Variants in IKBKB observed in about 807,000 individuals in gnomAD.
IKBKB encodes inhibitor of nuclear factor kappa B kinase subunit beta, also known as inhibitor of nuclear factor kappa-B kinase subunit beta.
Under a neutral mutation model 113.6 loss-of-function variants are expected in IKBKB, and 42 were observed. The ratio of observed to expected loss-of-function variants is 0.37; its 90% CI spans 0.29 to 0.48. IKBKB has a LOEUF of 0.48. IKBKB is among the 20% of genes least tolerant of loss of function. The probability of loss-of-function intolerance (pLI) is 0.99; values close to 1 mark genes in which losing one functional copy is unlikely to be tolerated. For synonymous variants in IKBKB, 296 were observed against 361.3 expected (o/e 0.82, Z 2.05); for missense variants, 673 against 939.7 (o/e 0.72, Z 3.71).
At chr8:42,318,253 AC>A (rs1819065039) in intron 12 of IKBKB, among the ~76,000 whole-genome samples, 1 of 150,702 alleles carries the variant, frequency 6.6e-6, no homozygotes, top group Admixed American at 6.6e-5. Context: ...CAAGAGCGAG[AC>A]CTTGTCTCAA....
chr8:42,323,089 A>T (rs1247066202), intron 19 of IKBKB, among the ~76,000 whole-genome samples: 1 of 152,094 alleles, frequency 6.6e-6, no homozygotes, highest in Non-Finnish European at 1.5e-5. Context: ...CTCTGTCTTC[A>T]TGGGACCCCT....
At chr8:42,282,762 A>C (rs1810629105) in intron 2 of IKBKB, among the ~76,000 whole-genome samples, 1 of 152,226 alleles carries the variant, frequency 6.6e-6, no homozygotes, top group Non-Finnish European at 1.5e-5. Flanking sequence ...TTTCTAGAGC[A>C]GGTATGTTTT....
intron 2 of IKBKB, among the ~76,000 whole-genome samples, chr8:42,281,164 A>C (rs973038929): frequency 6.6e-6 from 1 of 152,116 alleles, no homozygotes; most frequent in Non-Finnish European, 1.5e-5. Context: ...ACGCTGGGGA[A>C]GGGAGGCTTC....
chr8:42,305,967 C>T (rs900499176), intron 6 of IKBKB, among the ~76,000 whole-genome samples: 4 of 152,234 alleles, frequency 2.6e-5, no homozygotes, highest in African/African-American at 9.6e-5. Context: ...CACCCTCACT[C>T]CTGTCAGTGG....
intron 2 of IKBKB, 179 bp downstream of exon 2, chr8:42,272,384 C>G: frequency 1.4e-6 from 1 of 706,760 alleles, no homozygotes; most frequent in Non-Finnish European, 2.4e-6. Flanking sequence ...GGTTAGTGGT[C>G]TCCATGCTTT....
rs901993530 is a variant in IKBKB, at chr8:42,271,464, C to T, written c.-24C>T. The T allele has an allele frequency of 1.5e-6, 2 of 1,304,032 alleles. No individual in the cohort carries two copies. The highest frequency in any genetic ancestry group is 2.1e-6 in the Non-Finnish European group (2 of 944,340). The allele number at this position is 1,304,032 out of a possible 1,614,324, so 80.8% of individuals were successfully genotyped here. On this transcript the variant is annotated 5_prime_UTR_variant, in exon 1 of 22. The change creates a premature stop within an existing upstream ORF in the 5' untranslated region. Coordinates refer to ENST00000520810, the MANE Select transcript of IKBKB (RefSeq NM_001556.3). ...CCCGCCCCCTGCCCCGCGTCCCTGC[C>T]GACAGGTGAGTCCCCCTCGTGGGTG...
Position 42,305,176 on chromosome 8 carries a change from C to G in IKBKB, c.389-11C>G, listed in dbSNP as rs1395185193. The G allele has an allele frequency of 6.2e-7, 1 of 1,606,852 alleles. No individual in the cohort carries two copies. The highest frequency in any genetic ancestry group is 1.7e-5 in the Admixed American group (1 of 59,938). ...TTAGGCCTAAGAAAAACTCACCCCC[C>G]TCTTCCTCAGCCTCTGCGCTTAGAT... is the stretch of plus-strand genomic sequence containing the variant. On this transcript the variant is annotated splice_polypyrimidine_tract_variant and intron_variant, in intron 5 of 21. Transcript: ENST00000520810.
chr8:42,312,326 C>T (rs1470953561), intron 8 of IKBKB, among the ~76,000 whole-genome samples: 5 of 152,298 alleles, frequency 3.3e-5, no homozygotes, highest in Middle Eastern at 3.4e-3. Context: ...AATGGCCCAG[C>T]GTCTTCATAG....
intron 5 of IKBKB, among the ~76,000 whole-genome samples, chr8:42,301,868 CT>C (rs907032107): frequency 6.6e-6 from 1 of 152,168 alleles, no homozygotes; most frequent in Non-Finnish European, 1.5e-5. Context: ...TGGTTGTGCC[CT>C]GGGTTTTGCC....
intron 11 of IKBKB, chr8:42,317,289 G>A (rs1818884838): frequency 2.3e-6 from 1 of 425,914 alleles, no homozygotes; most frequent in Admixed American, 3.7e-5. Context: ...ACAGAACTGG[G>A]TTAGGCACCT....
intron 19 of IKBKB, chr8:42,325,345 C>T (rs1820540295): frequency 2.0e-6 from 2 of 985,642 alleles, no homozygotes; most frequent in Non-Finnish European, 2.4e-6. Flanking sequence ...GTGTGTCTGT[C>T]TTCTACCTGG....
chr8:42,306,234 G>C, intron 6 of IKBKB, 109 bp from the exon 7 acceptor site: 1 of 693,302 alleles, frequency 1.4e-6, no homozygotes, highest in Non-Finnish European at 2.6e-6. Flanking sequence ...GGATCTAATA[G>C]TACCTGGGAA....
At chr8:42,302,815 T>G (rs1563331175) in intron 5 of IKBKB, among the ~76,000 whole-genome samples, 1 of 151,820 alleles carries the variant, frequency 6.6e-6, no homozygotes, top group South Asian at 2.1e-4. Flanking sequence ...ATACTCATCA[T>G]GTATAGCTTA....
intron 5 of IKBKB, 128 bp downstream of exon 5, chr8:42,293,640 A>G (rs2130360362): frequency 1.3e-6 from 2 of 1,525,362 alleles, no homozygotes; most frequent in Middle Eastern, 2.2e-4. Flanking sequence ...ATGGGAGCCC[A>G]GGGACGGGGG....
intron 1 of IKBKB, 156 bp from the exon 2 acceptor site, chr8:42,271,927 C>T: frequency 1.2e-6 from 1 of 819,154 alleles, no homozygotes; most frequent in Non-Finnish European, 1.9e-6. Flanking sequence ...AAGTTTGGAC[C>T]AACCAAACAC....
chr8:42,290,945 T>C (rs1007905037), intron 4 of IKBKB, among the ~76,000 whole-genome samples: 2 of 152,168 alleles, frequency 1.3e-5, no homozygotes, highest in Non-Finnish European at 2.9e-5. Flanking sequence ...CCTATGACAG[T>C]ACCACACAGC....
chr8:42,306,709 A>G (rs1190412991), intron 7 of IKBKB, among the ~76,000 whole-genome samples: 1 of 152,188 alleles, frequency 6.6e-6, no homozygotes, highest in Non-Finnish European at 1.5e-5. Flanking sequence ...CTTCTCTGAA[A>G]GGAAAGGGTT....
Position 42,271,466 on chromosome 8 carries a change from A to T in IKBKB, c.-22A>T. 1 of 1,192,254 alleles carries T rather than the reference A, an allele frequency of 8.4e-7. No homozygotes were observed. Among genetic ancestry groups the T allele is most frequent in the Non-Finnish European group, 1.2e-6 (1 of 861,884 alleles). 73.9% of individuals were successfully genotyped at this position (1,192,254 alleles called of 1,614,324 possible). A position where few individuals can be genotyped will look rare whatever the true frequency, so the allele number is the denominator to read the frequency against. The stretch of plus-strand genomic sequence containing the variant: ...CGCCCCCTGCCCCGCGTCCCTGCCG[A>T]CAGGTGAGTCCCCCTCGTGGGTGCG... On this transcript the variant is annotated 5_prime_UTR_variant, in exon 1 of 22. Coordinates refer to ENST00000520810, the MANE Select transcript of IKBKB (RefSeq NM_001556.3).
intron 8 of IKBKB, among the ~76,000 whole-genome samples, chr8:42,311,452 T>C (rs985242027): frequency 2.0e-5 from 3 of 151,440 alleles, no homozygotes; most frequent in Admixed American, 1.3e-4. Flanking sequence ...TCCCAGCTAC[T>C]TGGGAGGCTG....
Sources: gnomAD v4.1 joint callset for allele counts (sites outside exome capture counted in the v4.1 genomes callset) on GRCh38, gnomAD v4.1.1 for gene constraint, MANE v1.5 for transcripts, NCBI Gene and HGNC (gene_info 2026-07-23, HGNC 2026-07-21) for gene names.